PPP2R1B: variants seen among roughly 807,000 people sequenced by gnomAD.
The protein encoded by PPP2R1B is serine/threonine-protein phosphatase 2A 65 kDa regulatory subunit A beta isoform.
Under a neutral mutation model 72.7 loss-of-function variants are expected in PPP2R1B, and 58 were observed. The observed-to-expected ratio is 0.80, with a 90% confidence interval of 0.65 to 0.99. The LOEUF is 0.99. PPP2R1B is among the 50% of genes least tolerant of loss of function. PPP2R1B has a pLI of 0.00. For missense variants in PPP2R1B, 695 were observed against 733.6 expected, an observed-to-expected ratio of 0.95 and a Z score of 0.61; for synonymous variants, 256 against 264.6, an observed-to-expected ratio of 0.97 and a Z score of 0.32.
the PPP2R1B span, chr11:111,704,857 C>T: frequency 9.3e-7 from 1 of 1,073,346 alleles, no homozygotes; most frequent in Non-Finnish European, 1.3e-6. Context: ...CAGCTTTCAT[C>T]TTGAGACACT....
chr11:111,759,167 A>G (rs549904972), intron 5 of PPP2R1B, among the ~76,000 whole-genome samples: 9 of 152,344 alleles, frequency 5.9e-5, no homozygotes, highest in Admixed American at 5.9e-4. Context: ...TGCAAACTTC[A>G]GCAAGTTACT....
At chr11:111,755,248 T>C (rs1555049232) in intron 6 of PPP2R1B, 47 bp downstream of exon 6, 1 of 1,564,978 alleles carries the variant, frequency 6.4e-7, no homozygotes, top group South Asian at 1.2e-5. Context: ...AGCAAATCTA[T>C]GTGTTTTCAG....
downstream of PPP2R1B, chr11:111,724,313 C>G: frequency 9.4e-6 from 8 of 852,682 alleles, no homozygotes; most frequent in Non-Finnish European, 1.4e-5. Flanking sequence ...TCTGCCCCAC[C>G]ACAAAGTTTT....
At chr11:111,709,123 A>G in the PPP2R1B span, among the ~76,000 whole-genome samples, 5 of 152,332 alleles carry the variant, frequency 3.3e-5, no homozygotes, top group Non-Finnish European at 5.9e-5. Context: ...GAGGCCGGAA[A>G]TCAGGATGAG....
intron 12 of PPP2R1B, 96 bp from the exon 13 acceptor site, chr11:111,742,761 A>C (rs1944569455): frequency 1.7e-6 from 2 of 1,159,524 alleles, no homozygotes; most frequent in Non-Finnish European, 2.3e-6. Context: ...TAATTGACCA[A>C]TAGGAAAATA....
At chr11:111,692,917 A>G in the PPP2R1B span, among the ~76,000 whole-genome samples, 10 of 152,318 alleles carry the variant, frequency 6.6e-5, no homozygotes, top group African/African-American at 2.2e-4. Flanking sequence ...GAAGCACAAA[A>G]TTAAAATATT....
chr11:111,689,443 A>C, the PPP2R1B span, among the ~76,000 whole-genome samples: 1 of 152,218 alleles, frequency 6.6e-6, no homozygotes, highest in Non-Finnish European at 1.5e-5. Flanking sequence ...TAGTCCATTT[A>C]AGAAAACATG....
intron 8 of PPP2R1B, 111 bp downstream of exon 8, chr11:111,754,388 C>A: frequency 7.2e-7 from 1 of 1,390,204 alleles, no homozygotes; most frequent in East Asian, 2.6e-5. Context: ...CATTCATTCC[C>A]TGTCAACCTT....
intron 5 of PPP2R1B, 69 bp from the exon 6 acceptor site, chr11:111,755,519 C>T (rs1469433211): frequency 4.9e-6 from 7 of 1,436,118 alleles, no homozygotes; most frequent in East Asian, 2.5e-5. Flanking sequence ...TGGGGTGGTG[C>T]AGGTGTTTAA....
chr11:111,748,071 G>A (rs1199738773), intron 10 of PPP2R1B, 57 bp from the exon 11 acceptor site: 7 of 1,528,442 alleles, frequency 4.6e-6, no homozygotes, highest in African/African-American at 1.4e-5. Flanking sequence ...AATAAAGATG[G>A]TCTATTTACA....
At chr11:111,748,186 G>A (rs1555046869) in intron 10 of PPP2R1B, among the ~76,000 whole-genome samples, 172 bp from the exon 11 acceptor site, 1 of 147,560 alleles carries the variant, frequency 6.8e-6, no homozygotes, top group Admixed American at 6.9e-5. Context: ...CTATTTATTG[G>A]ACGGAAATCA....
chr11:111,755,232 T>C (rs1945059250), intron 6 of PPP2R1B, 63 bp downstream of exon 6: 7 of 1,552,128 alleles, frequency 4.5e-6, no homozygotes. Context: ...AAACTTTGGG[T>C]ACAACAGCAA....
At chr11:111,723,389 A>G, downstream of PPP2R1B, 1 of 1,246,170 alleles carries the variant, frequency 8.0e-7, no homozygotes, top group South Asian at 1.5e-5. Flanking sequence ...CTGACATGAG[A>G]GAGACTTAAG....
the PPP2R1B span, chr11:111,688,250 C>T: frequency 1.5e-6 from 2 of 1,337,146 alleles, no homozygotes; most frequent in East Asian, 4.6e-5. This position sits in a 1 kb window ranked among gnomAD's most constrained non-coding sequence, Gnocchi z 4.2. Context: ...GCAGATTCAG[C>T]AGCATTTCTA....
At chr11:111,708,316 A>G in the PPP2R1B span, among the ~76,000 whole-genome samples, 1 of 152,136 alleles carries the variant, frequency 6.6e-6, no homozygotes, top group African/African-American at 2.4e-5. Context: ...CAGGAGACAG[A>G]GGTTGCAGTG....
chr11:111,740,929 G>A lies in PPP2R1B; in HGVS notation c.*667C>T, dbSNP rs376820387. The A allele has an allele frequency of 1.0e-5, 10 of 985,412 alleles. No individual in the cohort carries two copies. The highest frequency in any genetic ancestry group is 4.7e-5 in the South Asian group (1 of 21,288). 61.0% of individuals were successfully genotyped at this position (985,412 alleles called of 1,614,324 possible). A position where few individuals can be genotyped will look rare whatever the true frequency, so the allele number is the denominator to read the frequency against. ...GTGAGCTGTTCAAATTCAGTTAGGCGTCAACATCACACATTAGCAGCAAGA... is the reference window on the plus strand; with the variant it reads ...GTGAGCTGTTCAAATTCAGTTAGGCATCAACATCACACATTAGCAGCAAGA... On this transcript the variant is annotated 3_prime_UTR_variant, in exon 15 of 15. Coordinates refer to ENST00000527614, the MANE Select transcript of PPP2R1B (RefSeq NM_002716.5).
the PPP2R1B span, among the ~76,000 whole-genome samples, chr11:111,690,000 A>ATC: frequency 2.7e-5 from 4 of 147,154 alleles, no homozygotes; most frequent in East Asian, 7.8e-4. Flanking sequence ...ATATATATAT[A>ATC]TCACACATAT....
chr11:111,740,492 A>G lies in PPP2R1B; in HGVS notation c.*1104T>C. 3 of 985,270 alleles carry G rather than the reference A, an allele frequency of 3.0e-6. No homozygotes were observed. The highest frequency in any genetic ancestry group is 3.6e-6 in the Non-Finnish European group (3 of 829,788). 61.0% of individuals were successfully genotyped at this position (985,270 alleles called of 1,614,324 possible). ...TAGGTGCTTTTTAAAAAGGGCTTTAATACTGTTTAAGTAGTTCAAATAGGC... is the reference window on the plus strand; with the variant it reads ...TAGGTGCTTTTTAAAAAGGGCTTTAGTACTGTTTAAGTAGTTCAAATAGGC... On this transcript the variant is annotated 3_prime_UTR_variant, in exon 15 of 15. Transcript: ENST00000527614.
the PPP2R1B span, among the ~76,000 whole-genome samples, chr11:111,702,474 A>G: frequency 1.3e-5 from 2 of 152,132 alleles, no homozygotes; most frequent in East Asian, 1.9e-4. Flanking sequence ...CTGTAGTCCT[A>G]GCTACTCAGG....
Sources: allele counts gnomAD v4.1 joint callset (sites outside exome capture counted in the v4.1 genomes callset), GRCh38; gene constraint gnomAD v4.1.1; non-coding constraint Gnocchi (gnomAD v3.1); transcripts MANE v1.5; gene names NCBI Gene and HGNC (gene_info 2026-07-23, HGNC 2026-07-21).